The following PNPLA6 variants were observed in gnomAD, a reference collection of about 807,000 sequenced individuals.
PNPLA6 encodes the protein patatin like domain 6, lysophospholipase.
Under a neutral mutation model 153.7 loss-of-function variants are expected in PNPLA6, and 105 were observed. That is an observed-to-expected ratio of 0.68 (90% CI 0.58 to 0.80). The LOEUF is 0.80. Ranked by LOEUF, PNPLA6 falls within the 30% of genes least tolerant of loss-of-function variation. PNPLA6 has a pLI of 0.00. For synonymous variants in PNPLA6, 825 were observed against 822.2 expected, an observed-to-expected ratio of 1.00 and a Z score of -0.06; for missense variants, 1,423 against 1,919.3, an observed-to-expected ratio of 0.74 and a Z score of 4.83.
chr19:7,551,269 G>C (rs1159545062), intron 17 of PNPLA6, 93 bp from the exon 18 acceptor site: 23 of 1,340,378 alleles, frequency 1.7e-5, no homozygotes, highest in Non-Finnish European at 2.1e-5. Flanking sequence ...CCCAGGTAAC[G>C]GGCACCCAGG....
upstream of PNPLA6, chr19:7,535,478 C>T (rs2022807926): frequency 1.3e-6 from 2 of 1,490,532 alleles, no homozygotes; most frequent in Non-Finnish European, 1.8e-6. This position sits in a 1 kb window ranked among gnomAD's most constrained non-coding sequence, Gnocchi z 5.0. Flanking sequence ...TGACGACTTG[C>T]ACGGGTTCCT....
intron 13 of PNPLA6, among the ~76,000 whole-genome samples, chr19:7,546,630 A>G (rs2146075654): frequency 6.6e-6 from 1 of 152,086 alleles, no homozygotes; most frequent in East Asian, 2.0e-4. Context: ...GATGGTCTTG[A>G]ACTCCTGACC....
chr19:7,549,493 TC>T (rs1394434457), intron 13 of PNPLA6, among the ~76,000 whole-genome samples: 13,027 of 63,472 alleles, frequency 0.21, 964 homozygotes, highest in African/African-American at 0.34. Context: ...GCCTTCTTCT[TC>T]TTTTTTTTTT....
chr19:7,556,013 T>A (rs890615774), intron 24 of PNPLA6, among the ~76,000 whole-genome samples: 12 of 150,052 alleles, frequency 8.0e-5, no homozygotes, highest in African/African-American at 2.9e-4. Context: ...GTGACCACCT[T>A]GTGGATGGCC....
chr19:7,557,370 G>C (rs1052602736), intron 27 of PNPLA6, 86 bp downstream of exon 27: 2 of 870,908 alleles, frequency 2.3e-6, no homozygotes, highest in South Asian at 2.7e-5. Context: ...AGACAGGCTC[G>C]ATGACGGGAC....
intron 13 of PNPLA6, among the ~76,000 whole-genome samples, chr19:7,546,480 A>C (rs892735696): frequency 3.9e-5 from 6 of 152,150 alleles, no homozygotes; most frequent in Non-Finnish European, 7.4e-5. Context: ...AACAAACAAA[A>C]AAAATTAGCC....
chr19:7,554,133 A>G (rs933164478), intron 19 of PNPLA6, 76 bp from the exon 20 acceptor site: 2 of 1,571,060 alleles, frequency 1.3e-6, no homozygotes, highest in African/African-American at 2.7e-5. Context: ...GGGCGGGGTA[A>G]TGGGTATTCT....
rs748776761 is a variant in PNPLA6 at position 7,554,684 on chromosome 19, C to T, written c.2595C>T (p.Leu865=). 6.2e-7 allele frequency: 1 copy of T among 1,613,866 alleles called. No individual in the cohort carries two copies. ...GCCTGCGACAGGCCGACTGCATCCTCATTGTGGGCCTGGGGGACCAGGAGC... is the reference window on the plus strand; with the variant it reads ...GCCTGCGACAGGCCGACTGCATCCTTATTGTGGGCCTGGGGGACCAGGAGC... ...VRCLRQADCI[L]IVGLGDQEPT... The change falls in exon 21 of 32, where the codon CTC becomes CTT. Residue 865 remains leucine, a synonymous_variant. Coordinates refer to ENST00000600737, the MANE Select transcript of PNPLA6 (RefSeq NM_001166114.2).
chr19:7,536,088 C>T, intron 1 of PNPLA6, 68 bp downstream of exon 1: 2 of 1,571,188 alleles, frequency 1.3e-6, no homozygotes, highest in Non-Finnish European at 1.7e-6. Context: ...GGTCCCGAGG[C>T]GGCAGAGATG....
At chr19:7,552,165 CTG>C (rs1284996539) in intron 18 of PNPLA6, among the ~76,000 whole-genome samples, 1 of 152,206 alleles carries the variant, frequency 6.6e-6, no homozygotes, top group African/African-American at 2.4e-5. Flanking sequence ...GGAAAATAGT[CTG>C]TGGATTGTTG....
At chr19:7,539,552 G>A (rs1599270269) in intron 3 of PNPLA6, among the ~76,000 whole-genome samples, 1 of 151,014 alleles carries the variant, frequency 6.6e-6, no homozygotes, top group Non-Finnish European at 1.5e-5. Context: ...GAGGTCAGGA[G>A]TTCGAGACCA....
Position 7,553,860 on chromosome 19 carries a change from T to C in PNPLA6, c.2261-15T>C, listed in dbSNP as rs2023755947. On this transcript the variant is annotated splice_polypyrimidine_tract_variant and intron_variant, in intron 18 of 31. Transcript: ENST00000600737. ...AGGTTCGCACCACAAATCTCATCCA[T>C]TGGGTTCTTAGCAGGCTCTGGGTTG... 2.5e-6 allele frequency: 4 copies of C among 1,614,190 alleles called. No individual in the cohort carries two copies. The highest frequency in any genetic ancestry group is 3.4e-6 in the Non-Finnish European group (4 of 1,180,020).
At chr19:7,557,589 G>A (rs570890314) in intron 27 of PNPLA6, 17 of 406,888 alleles carry the variant, frequency 4.2e-5, no homozygotes, top group African/African-American at 2.1e-4. Context: ...TTTGAGACCC[G>A]CCTGGCCAAC....
At chr19:7,552,279 G>A (rs536336645) in intron 18 of PNPLA6, among the ~76,000 whole-genome samples, 4 of 152,280 alleles carry the variant, frequency 2.6e-5, no homozygotes, top group South Asian at 4.1e-4. Context: ...AGAATGGGGC[G>A]TGCGGTGGGG....
intron 13 of PNPLA6, among the ~76,000 whole-genome samples, chr19:7,545,183 C>A (rs1049218761): frequency 6.6e-6 from 1 of 152,122 alleles, no homozygotes; most frequent in Non-Finnish European, 1.5e-5. Context: ...CGTGCCACCA[C>A]GCCTGGCTAA....
intron 13 of PNPLA6, 46 bp from the exon 14 acceptor site, chr19:7,549,861 C>G: frequency 6.3e-7 from 1 of 1,576,804 alleles, no homozygotes; most frequent in South Asian, 1.1e-5. Flanking sequence ...GAGCTGGGGT[C>G]CACGCTGTCC....
Position 7,540,021 on chromosome 19 carries a change from C to A in PNPLA6, c.517C>A (p.Leu173Met). The A allele has an allele frequency of 6.2e-7, 1 of 1,609,660 alleles. No individual in the cohort carries two copies. Among genetic ancestry groups the A allele is most frequent in the South Asian group, 1.1e-5 (1 of 90,504 alleles). ...LTEGDLANSHLPSEVLYMLKN... is the reference protein window; with the variant it reads ...LTEGDLANSHMPSEVLYMLKN... ...CGAGGGCGACCTGGCTAACTCCCAT[C>A]TGCCCTCTGAAGTGCTTTATATGCT... Residue 173 changes from leucine to methionine, a missense_variant, in exon 4 of 32, where the codon CTG becomes ATG. Physicochemically the swap from Leu to Met is conservative, Grantham distance 15. Coordinates refer to ENST00000600737, the MANE Select transcript of PNPLA6 (RefSeq NM_001166114.2). The surrounding 1 kb of genome is among the most constrained non-coding windows in gnomAD (Gnocchi z 6.8).
At chr19:7,558,566 AGGTT>A (rs1316059923) in intron 27 of PNPLA6, among the ~76,000 whole-genome samples, 9 of 152,154 alleles carry the variant, frequency 5.9e-5, no homozygotes, top group Non-Finnish European at 1.2e-4. Flanking sequence ...CGGGAGGTGG[AGGTT>A]GCATCGAGCC....
Position 7,555,615 on chromosome 19 carries a change from C to G in PNPLA6, c.2945C>G (p.Ser982Trp). 6.2e-7 allele frequency: 1 copy of G among 1,611,728 alleles called. No individual in the cohort carries two copies. Among genetic ancestry groups the G allele is most frequent in the Non-Finnish European group, 8.5e-7 (1 of 1,179,558 alleles). ...GCCCATTTTCCCGGCAGGGGCTGCT[C>G]GCACATCGGAGTACTAAAGGCATTA... The part of the protein sequence containing the change: ...VLGGGGARGC[S>W]HIGVLKALEE... The change falls in exon 24 of 32, where the codon TCG becomes TGG. Residue 982 changes from serine (S) to tryptophan (W), a missense_variant. Around this residue, in one of 10 missense-constraint regions of PNPLA6, gnomAD observed 643 missense variants for 835.2 expected, o/e 0.77. Transcript: ENST00000600737. This position sits in a 1 kb window ranked among gnomAD's most constrained non-coding sequence, Gnocchi z 6.3.
Sources: gnomAD v4.1 joint callset for allele counts (sites outside exome capture counted in the v4.1 genomes callset) on GRCh38, gnomAD v4.1.1 for gene constraint, gnomAD v4.1.1 regional missense constraint, Gnocchi (gnomAD v3.1) non-coding constraint, MANE v1.5 for transcripts, NCBI Gene and HGNC (gene_info 2026-07-23, HGNC 2026-07-21) for gene names.